CNTNAP2: variants seen among roughly 807,000 people sequenced by gnomAD.
CNTNAP2 encodes contactin-associated protein-like 2.
A neutral mutation model predicts 155.2 loss-of-function variants in CNTNAP2; 98 were observed. That is an observed-to-expected ratio of 0.63 (90% CI 0.54 to 0.75). The LOEUF (loss-of-function observed/expected upper bound fraction) is 0.75, where lower values mean the gene tolerates loss of function less well. Ranked by LOEUF, CNTNAP2 falls within the 30% of genes least tolerant of loss-of-function variation. The pLI, the probability that CNTNAP2 is intolerant of heterozygous loss-of-function variation, is 0.00. For synonymous variants in CNTNAP2, 651 were observed against 631.2 expected (o/e 1.03, Z -0.47); for missense variants, 1,727 against 1,688.1 (o/e 1.02, Z -0.40).
chr7:147,360,990 A>T (rs995545221), intron 9 of CNTNAP2, among the ~76,000 whole-genome samples: 59 of 152,232 alleles, frequency 3.9e-4, no homozygotes, highest in Non-Finnish European at 7.8e-4. Context: ...CAACAACCAA[A>T]GGTTATATTA....
At chr7:146,131,900 A>G (rs959102341) in intron 1 of CNTNAP2, among the ~76,000 whole-genome samples, 1 of 152,070 alleles carries the variant, frequency 6.6e-6, no homozygotes, top group African/African-American at 2.4e-5. Flanking sequence ...TAAAAGTGGC[A>G]GTTGTTTCCT....
chr7:146,944,900 A>G (rs908363567), intron 3 of CNTNAP2, among the ~76,000 whole-genome samples: 1 of 150,652 alleles, frequency 6.6e-6, no homozygotes, highest in Non-Finnish European at 1.5e-5. Flanking sequence ...AAAAAGAAAA[A>G]GAAAAATCGT....
intron 1 of CNTNAP2, among the ~76,000 whole-genome samples, chr7:146,135,032 A>G (rs185447469): frequency 0.014 from 2,196 of 152,072 alleles, 52 homozygotes; most frequent in African/African-American, 0.044. Context: ...CTGTGAATCC[A>G]TCTGGTCCTG....
At chr7:146,209,385 T>C (rs188378697) in intron 1 of CNTNAP2, among the ~76,000 whole-genome samples, 5 of 152,330 alleles carry the variant, frequency 3.3e-5, no homozygotes, top group African/African-American at 4.8e-5. Context: ...CCTGTTCTTA[T>C]GCAACATCAG....
At chr7:147,450,949 T>C (rs73475155) in intron 10 of CNTNAP2, among the ~76,000 whole-genome samples, 2,905 of 152,302 alleles carry the variant, frequency 0.019, 106 homozygotes, top group African/African-American at 0.066. Context: ...ATCCCACTCA[T>C]GGATGAAACA....
chr7:148,419,573 A>G lies in CNTNAP2; in HGVS notation c.*3957A>G, dbSNP rs1450636429. The G allele has an allele frequency of 2.0e-5, 3 of 150,138 alleles. No individual in the cohort carries two copies. The highest frequency in any genetic ancestry group is 2.0e-4 in the East Asian group (1 of 5,108). The allele number at this position is 150,138 out of a possible 1,614,324, so 9.3% of individuals were successfully genotyped here. A position where few individuals can be genotyped will look rare whatever the true frequency, so the allele number is the denominator to read the frequency against. On this transcript the variant is annotated 3_prime_UTR_variant, in exon 24 of 24. Coordinates refer to ENST00000361727, the MANE Select transcript of CNTNAP2 (RefSeq NM_014141.6). ...CTCAGCCTCCCAAGTAGCTGGGATT[A>G]CAGGCACCCGCCATCACACCCAGCT...
chr7:146,570,098 G>A (rs1196293215), intron 1 of CNTNAP2, among the ~76,000 whole-genome samples: 1 of 152,078 alleles, frequency 6.6e-6, no homozygotes, highest in Non-Finnish European at 1.5e-5. Flanking sequence ...AGCTATTGGA[G>A]TTCTCTTTGC....
At chr7:148,139,334 T>C (rs1805015604) in intron 16 of CNTNAP2, among the ~76,000 whole-genome samples, 1 of 151,972 alleles carries the variant, frequency 6.6e-6, no homozygotes, top group Non-Finnish European at 1.5e-5. Context: ...AAAAGAAAAA[T>C]AGGTCATTTT....
At position 146,294,013 on chromosome 7, in the gene CNTNAP2, G is replaced by C. The variant is rs187328852; in HGVS notation, c.97+177040G>C. On this transcript the variant is annotated intron_variant, in intron 1 of 23. Coordinates refer to ENST00000361727, the MANE Select transcript of CNTNAP2 (RefSeq NM_014141.6). Reference sequence around the variant, plus strand: ...GATGGCAGTTTCTGAAAAGATTTCCGTGACACCTTAGATAAGAGTGAAAAA... The same window carrying C: ...GATGGCAGTTTCTGAAAAGATTTCCCTGACACCTTAGATAAGAGTGAAAAA... Among the ~76,000 whole-genome samples the C allele has an allele frequency of 4.8e-3, 733 of 152,052 alleles. 27 individuals are homozygous for C. Among genetic ancestry groups the C allele is most frequent in the Non-Finnish European group, 1.2e-3 (80 of 67,986 alleles).
chr7:147,839,331 C>A (rs1563106886), intron 13 of CNTNAP2, among the ~76,000 whole-genome samples: 1 of 152,094 alleles, frequency 6.6e-6, no homozygotes, highest in East Asian at 1.9e-4. Flanking sequence ...CAGTATTAAC[C>A]ATCACAGGTA....
At chr7:147,061,052 T>A (rs1799660372) in intron 4 of CNTNAP2, among the ~76,000 whole-genome samples, 2 of 135,606 alleles carry the variant, frequency 1.5e-5, no homozygotes, top group South Asian at 4.5e-4. Context: ...ATGATTCAAC[T>A]TATATAAGGC....
intron 1 of CNTNAP2, among the ~76,000 whole-genome samples, chr7:146,386,701 A>G (rs1795466803): frequency 6.6e-6 from 1 of 152,192 alleles, no homozygotes; most frequent in African/African-American, 2.4e-5. Flanking sequence ...TCTGTTTCAT[A>G]TAACTTGTTA....
At chr7:146,894,814 A>G (rs776002235) in intron 3 of CNTNAP2, among the ~76,000 whole-genome samples, 2 of 152,178 alleles carry the variant, frequency 1.3e-5, no homozygotes, top group African/African-American at 2.4e-5. Context: ...TCCAATAAAT[A>G]TGAATGAACA....
chr7:146,904,355 T>C (rs1223485598), intron 3 of CNTNAP2, among the ~76,000 whole-genome samples: 1 of 152,220 alleles, frequency 6.6e-6, no homozygotes, highest in Non-Finnish European at 1.5e-5. Flanking sequence ...ACTCGGTCCC[T>C]GTAATCTCGC....
At chr7:148,248,342 G>A (rs1339590054) in intron 20 of CNTNAP2, among the ~76,000 whole-genome samples, 1 of 152,022 alleles carries the variant, frequency 6.6e-6, no homozygotes, top group Admixed American at 6.6e-5. Flanking sequence ...GGGACTACAG[G>A]CACATGGCAC....
At chr7:147,810,488 T>A (rs1273998751) in intron 13 of CNTNAP2, among the ~76,000 whole-genome samples, 5 of 152,174 alleles carry the variant, frequency 3.3e-5, no homozygotes, top group African/African-American at 9.7e-5. Context: ...GCTTGCCATA[T>A]AATCAGTAGG....
intron 13 of CNTNAP2, among the ~76,000 whole-genome samples, chr7:147,738,550 A>T (rs764937629): frequency 3.3e-5 from 5 of 152,076 alleles, no homozygotes; most frequent in Middle Eastern, 3.4e-3. Flanking sequence ...AATCATTGGC[A>T]TTTTTTTAGC....
chr7:147,121,570 G>T (rs1801112408), intron 6 of CNTNAP2: 1 of 170,656 alleles, frequency 5.9e-6, no homozygotes, highest in Non-Finnish European at 1.3e-5. Flanking sequence ...TTAGTTTCTG[G>T]TTTATATTAA....
At position 148,296,134 on chromosome 7, in the gene CNTNAP2, G is replaced by A. The variant is rs1797280426; in HGVS notation, c.3475+29008G>A. ...GCCAAAAACTCTCTCTTTTTAGATTGCAAGACAGGTATCTCTTCATGAAGC... is the reference window on the plus strand; with the variant it reads ...GCCAAAAACTCTCTCTTTTTAGATTACAAGACAGGTATCTCTTCATGAAGC... On this transcript the variant is annotated intron_variant, in intron 21 of 23. Coordinates refer to ENST00000361727, the MANE Select transcript of CNTNAP2 (RefSeq NM_014141.6). Among the ~76,000 whole-genome samples, 5 of 152,126 alleles carry A rather than the reference G, an allele frequency of 3.3e-5. No homozygotes were observed. The South Asian group carries it at 1.0e-3, about 32-fold the overall frequency.
Sources: allele counts gnomAD v4.1 joint callset (sites outside exome capture counted in the v4.1 genomes callset), GRCh38; gene constraint gnomAD v4.1.1; transcripts MANE v1.5; gene names NCBI Gene and HGNC (gene_info 2026-07-23, HGNC 2026-07-21).